CYRIA: variants seen among roughly 807,000 people sequenced by gnomAD.
The protein encoded by CYRIA is CYFIP related Rac1 interactor A, also known as CYFIP-related Rac1 interactor A.
A neutral mutation model predicts 43.9 loss-of-function variants in CYRIA; 15 were observed. The observed-to-expected ratio is 0.34, with a 90% CI of 0.23 to 0.53. The LOEUF is 0.53. Among genes scored for constraint, CYRIA ranks in the 20% least tolerant of loss-of-function variants. CYRIA has a pLI of 0.94. For synonymous variants in CYRIA, 117 were observed against 136.0 expected, an observed-to-expected ratio of 0.86 and a Z score of 0.97; for missense variants, 236 against 394.2, an observed-to-expected ratio of 0.60 and a Z score of 3.40.
chr2:16,622,134 T>C (rs1170240062), intron 2 of CYRIA, among the ~76,000 whole-genome samples: 1 of 152,196 alleles, frequency 6.6e-6, no homozygotes, highest in African/African-American at 2.4e-5. Flanking sequence ...CAGGCCAGGA[T>C]ACCGGCCCCA....
chr2:16,602,846 T>C (rs1668257207), intron 2 of CYRIA, among the ~76,000 whole-genome samples: 1 of 152,178 alleles, frequency 6.6e-6, no homozygotes, highest in Non-Finnish European at 1.5e-5. Flanking sequence ...CTCAGAATGC[T>C]CTTTGCTCCC....
At chr2:16,621,665 G>C (rs1422705646) in intron 2 of CYRIA, among the ~76,000 whole-genome samples, 1 of 152,188 alleles carries the variant, frequency 6.6e-6, no homozygotes, top group Non-Finnish European at 1.5e-5. Flanking sequence ...CCCGATCAGA[G>C]ATTTAGTTCT....
At position 16,561,177 on chromosome 2, in the gene CYRIA, A is replaced by G. The variant is rs752366810; in HGVS notation, c.614T>C (p.Met205Thr). The change falls in exon 8 of 12, where the codon ATG becomes ACG. Residue 205 changes from methionine to threonine, a missense_variant. Physicochemically the swap from Met to Thr is moderately conservative, Grantham distance 81 (BLOSUM62 -1). Transcript: ENST00000381323. ...PMLKTLSNAT[M>T]HFVSENKTLP... ...TTCACTTACTTCAGAGACAAAGTGC[A>G]TTGTGGCATTGCTAAGGGTTTTCAG... 3.1e-6 allele frequency: 5 copies of G among 1,613,578 alleles called. No individual in the cohort carries two copies. The East Asian group carries it at 6.7e-5, about 22-fold the overall frequency.
chr2:16,644,955 G>A (rs1253695695), intron 1 of CYRIA, among the ~76,000 whole-genome samples: 1 of 152,112 alleles, frequency 6.6e-6, no homozygotes, highest in Non-Finnish European at 1.5e-5. Flanking sequence ...TAAGGAAACC[G>A]ATTACCATTA....
At chr2:16,628,403 T>C (rs1669228744) in intron 1 of CYRIA, among the ~76,000 whole-genome samples, 4 of 152,218 alleles carry the variant, frequency 2.6e-5, no homozygotes, top group Admixed American at 6.5e-5. Context: ...AAGCCGTGTG[T>C]GCTGTGAAAT....
At chr2:16,572,364 C>T (rs1367234095) in intron 3 of CYRIA, among the ~76,000 whole-genome samples, 2 of 151,024 alleles carry the variant, frequency 1.3e-5, no homozygotes, top group African/African-American at 4.9e-5. Context: ...CTTTGTATTG[C>T]CATCAAAAAA....
At chr2:16,577,335 AT>A (rs1572473561) in intron 3 of CYRIA, among the ~76,000 whole-genome samples, 2 of 152,310 alleles carry the variant, frequency 1.3e-5, no homozygotes, top group East Asian at 3.9e-4. Flanking sequence ...ATTTAGATAT[AT>A]ATCTGTAACA....
At position 16,564,113 on chromosome 2, in the gene CYRIA, GCTGA is replaced by G. The variant is rs1360873086; in HGVS notation, c.193-23_193-20del. 1 of 1,587,056 alleles carries G rather than the reference GCTGA, an allele frequency of 6.3e-7. No homozygotes were observed. Among genetic ancestry groups the G allele is most frequent in the Non-Finnish European group, 8.6e-7 (1 of 1,158,332 alleles). On this transcript the variant is annotated intron_variant, in intron 4 of 11. Transcript: ENST00000381323. The stretch of plus-strand genomic sequence containing the variant: ...GAATTGCCTGCAAAAACACAGTAGA[GCTGA>G]CTGTTTAAAAAGAAGTGGTAAGCTC...
intron 2 of CYRIA, among the ~76,000 whole-genome samples, chr2:16,592,686 A>G (rs1344631078): frequency 6.6e-6 from 1 of 152,180 alleles, no homozygotes; most frequent in Non-Finnish European, 1.5e-5. Flanking sequence ...GTGTTGACTC[A>G]GCTCATTCTC....
At chr2:16,619,061 C>A (rs1408783807) in intron 2 of CYRIA, among the ~76,000 whole-genome samples, 1 of 152,190 alleles carries the variant, frequency 6.6e-6, no homozygotes, top group Non-Finnish European at 1.5e-5. Context: ...CCTCCCTGAG[C>A]TTCAGTCTCA....
At chr2:16,661,990 G>A (rs1384363335) in intron 1 of CYRIA, among the ~76,000 whole-genome samples, 1 of 152,070 alleles carries the variant, frequency 6.6e-6, no homozygotes, top group African/African-American at 2.4e-5. Context: ...AAAATACGAG[G>A]CATTCATTTT....
At chr2:16,654,390 G>C (rs183814669) in intron 1 of CYRIA, among the ~76,000 whole-genome samples, 1 of 152,136 alleles carries the variant, frequency 6.6e-6, no homozygotes, top group African/African-American at 2.4e-5. Context: ...AAGGTAGGGC[G>C]TGCCATGGGA....
chr2:16,640,612 G>A (rs987736942), intron 1 of CYRIA, among the ~76,000 whole-genome samples: 2 of 152,264 alleles, frequency 1.3e-5, no homozygotes, highest in African/African-American at 4.8e-5. Context: ...ACTGTGTATC[G>A]CCCTCTCTGG....
At chr2:16,617,078 C>G (rs1220568481) in intron 2 of CYRIA, among the ~76,000 whole-genome samples, 1 of 152,228 alleles carries the variant, frequency 6.6e-6, no homozygotes, top group Non-Finnish European at 1.5e-5. Flanking sequence ...AGTTTCTAGG[C>G]TCCTTGTATT....
Position 16,551,209 on chromosome 2 carries a change from T to C in CYRIA, c.*1727A>G, listed in dbSNP as rs1398792644. 1 of 152,158 alleles carries C rather than the reference T, an allele frequency of 6.6e-6. No individual in the cohort carries two copies. The highest frequency in any genetic ancestry group is 1.9e-4 in the East Asian group (1 of 5,182). 9.4% of individuals were successfully genotyped at this position (152,158 alleles called of 1,614,324 possible). A position where few individuals can be genotyped will look rare whatever the true frequency, so the allele number is the denominator to read the frequency against. Reference sequence around the variant, plus strand: ...CATAAGACAAGTATTTTTTCCCCTTTATTGGAGGATCCAAGGGAAGATCAG... The same window carrying C: ...CATAAGACAAGTATTTTTTCCCCTTCATTGGAGGATCCAAGGGAAGATCAG... On this transcript the variant is annotated 3_prime_UTR_variant, in exon 12 of 12. Transcript: ENST00000381323.
intron 1 of CYRIA, among the ~76,000 whole-genome samples, chr2:16,639,576 G>A (rs985887948): frequency 6.6e-6 from 1 of 152,256 alleles, no homozygotes; most frequent in African/African-American, 2.4e-5. Context: ...CCTCTTTCAG[G>A]AAGGAATGGT....
At chr2:16,641,148 T>C (rs1310656488) in intron 1 of CYRIA, among the ~76,000 whole-genome samples, 1 of 152,204 alleles carries the variant, frequency 6.6e-6, no homozygotes, top group Non-Finnish European at 1.5e-5. Flanking sequence ...CACAGCCAGA[T>C]GACTCTTCCC....
Position 16,645,877 on chromosome 2 carries a change from C to T in CYRIA, c.-167+19903G>A, listed in dbSNP as rs571905542. Among the ~76,000 whole-genome samples the T allele has an allele frequency of 6.0e-4, 91 of 152,192 alleles. 1 individual carries two copies. The highest frequency in any genetic ancestry group is 1.2e-3 in the East Asian group (6 of 5,170). On this transcript the variant is annotated intron_variant, in intron 1 of 11. Coordinates refer to ENST00000381323, the MANE Select transcript of CYRIA (RefSeq NM_030797.4). Reference sequence around the variant, plus strand: ...AGGGTATAAGAAAAGAAAGAGAACACGAAAAAGACCCTGTCCCCAGATGAT... The same window carrying T: ...AGGGTATAAGAAAAGAAAGAGAACATGAAAAAGACCCTGTCCCCAGATGAT...
At position 16,588,047 on chromosome 2, in the gene CYRIA, T is replaced by C; in HGVS notation, c.70+3A>G. ...TTCCATTATTATAATTTTTGGAACT[T>C]ACTTTCAAAATCCAGGAAAAAGTGT... On this transcript the variant is annotated splice_donor_region_variant and intron_variant, in intron 3 of 11. Transcript: ENST00000381323. 1 of 1,593,598 alleles carries C rather than the reference T, an allele frequency of 6.3e-7. No homozygotes were observed. The highest frequency in any genetic ancestry group is 2.2e-5 in the East Asian group (1 of 44,728).
Sources: allele counts gnomAD v4.1 joint callset (sites outside exome capture counted in the v4.1 genomes callset), GRCh38; gene constraint gnomAD v4.1.1; transcripts MANE v1.5; gene names NCBI Gene and HGNC (gene_info 2026-07-23, HGNC 2026-07-21).